Variants in MYO5B observed in about 807,000 individuals in gnomAD.
The protein encoded by MYO5B is unconventional myosin-Vb.
In MYO5B, 143 loss-of-function variants were observed where a neutral mutation model predicts 229.3. The ratio of observed to expected loss-of-function variants is 0.62; its 90% CI spans 0.54 to 0.72. The LOEUF is 0.72. Among genes scored for constraint, MYO5B ranks in the 30% least tolerant of loss-of-function variants. The pLI, the probability that MYO5B is intolerant of heterozygous loss-of-function variation, is 0.00. For missense variants in MYO5B, 2,321 were observed against 2,331.0 expected (o/e 1.00, Z 0.09); for synonymous variants, 918 against 885.2 (o/e 1.04, Z -0.66).
At chr18:50,076,130 T>A (rs528029263) in intron 1 of MYO5B, among the ~76,000 whole-genome samples, 1 of 152,186 alleles carries the variant, frequency 6.6e-6, no homozygotes, top group Non-Finnish European at 1.5e-5. Flanking sequence ...TGGCAAGATA[T>A]TTCCTTTTTC....
chr18:49,974,802 C>CACACACACACACACACACACACAA (rs1568054824), intron 9 of MYO5B, among the ~76,000 whole-genome samples, 187 bp from the exon 10 acceptor site: 2 of 148,554 alleles, frequency 1.3e-5, no homozygotes, highest in South Asian at 2.1e-4. Flanking sequence ...CACACAGACA[C>CACACACACACACACACACACACAA]ACACACACAC....
rs532670918 is a variant in MYO5B at position 50,036,556 on chromosome 18, G to A, written c.455+294C>T. 4.6e-5 allele frequency among the ~76,000 whole-genome samples: 7 copies of A among 152,298 alleles called. No individual in the cohort carries two copies. The South Asian group carries it at 6.2e-4, about 14-fold the overall frequency. ...TTATACCATAAAGGGAGGAAAAGGG[G>A]CCAAAAGGAAGTCAAAGAGAGATGA... On this transcript the variant is annotated intron_variant, in intron 4 of 39. Coordinates refer to ENST00000285039, the MANE Select transcript of MYO5B (RefSeq NM_001080467.3).
At chr18:49,910,122 C>T (rs1433505954) in intron 18 of MYO5B, among the ~76,000 whole-genome samples, 1 of 152,168 alleles carries the variant, frequency 6.6e-6, no homozygotes, top group Non-Finnish European at 1.5e-5. Flanking sequence ...GGCAGGCTCC[C>T]CGTCAGTGAA....
chr18:50,150,951 C>T (rs1345652545), intron 1 of MYO5B, among the ~76,000 whole-genome samples: 1 of 152,216 alleles, frequency 6.6e-6, no homozygotes, highest in Non-Finnish European at 1.5e-5. Flanking sequence ...TTCACACAGG[C>T]AAGGCCTCTG....
At chr18:49,877,959 T>C in intron 24 of MYO5B, 77 bp from the exon 25 acceptor site, 1 of 1,560,868 alleles carries the variant, frequency 6.4e-7, no homozygotes, top group Non-Finnish European at 8.8e-7. Flanking sequence ...TGGCAGGCCC[T>C]AGAGTTATCC....
At chr18:49,911,693 G>A (rs2024959495) in intron 18 of MYO5B, among the ~76,000 whole-genome samples, 1 of 152,218 alleles carries the variant, frequency 6.6e-6, no homozygotes, top group Non-Finnish European at 1.5e-5. Flanking sequence ...GAGCCTGTAA[G>A]TGGCTCAGAC....
At chr18:49,962,890 G>A in intron 11 of MYO5B, 59 bp downstream of exon 11, 1 of 1,404,624 alleles carries the variant, frequency 7.1e-7, no homozygotes, top group Non-Finnish European at 1.0e-6. Flanking sequence ...TGGCCTGTCT[G>A]TCCCTCCCAG....
chr18:50,005,742 A>G (rs755301461), intron 4 of MYO5B, among the ~76,000 whole-genome samples: 3 of 152,178 alleles, frequency 2.0e-5, no homozygotes, highest in Non-Finnish European at 2.9e-5. Context: ...GATGGTATCA[A>G]GGTTCAACCC....
intron 6 of MYO5B, among the ~76,000 whole-genome samples, chr18:49,991,677 G>A (rs1186169626): frequency 6.6e-6 from 1 of 152,138 alleles, no homozygotes; most frequent in African/African-American, 2.4e-5. Flanking sequence ...CCTGTCAGTG[G>A]GTGGAAGGCT....
chr18:49,963,620 G>A (rs551490849), intron 10 of MYO5B, among the ~76,000 whole-genome samples: 80 of 151,918 alleles, frequency 5.3e-4, no homozygotes, highest in Admixed American at 2.6e-3. Flanking sequence ...TAGAGACAAG[G>A]TTTTGCCATG....
Position 49,980,455 on chromosome 18 carries a change from A to C in MYO5B, c.1045T>G (p.Cys349Gly). 1.2e-6 allele frequency: 2 copies of C among 1,609,842 alleles called. No homozygotes were observed. ...AIQAERDGDSCSISPQDVYLS... is the reference protein window; with the variant it reads ...AIQAERDGDSGSISPQDVYLS... Reference sequence around the variant, plus strand: ...GGTGTGCAACTTACTGATATACTACAGGAATCACCATCACGCTCAGCCTGA... The same window carrying C: ...GGTGTGCAACTTACTGATATACTACCGGAATCACCATCACGCTCAGCCTGA... The change falls in exon 9 of 40, where the codon TGT becomes GGT. Residue 349 changes from cysteine to glycine, a missense_variant. Physicochemically the swap from Cys to Gly is radical, Grantham distance 159. Coordinates refer to ENST00000285039, the MANE Select transcript of MYO5B (RefSeq NM_001080467.3).
chr18:50,054,892 G>A (rs1053172992), intron 2 of MYO5B, among the ~76,000 whole-genome samples: 3 of 152,108 alleles, frequency 2.0e-5, no homozygotes, highest in African/African-American at 7.2e-5. Context: ...GCTGAGCCAG[G>A]ATCCCAACCC....
rs1275193101 is a variant in MYO5B, at chr18:49,925,888, T to C, written c.2090+3624A>G. ...ACTCAAAACTGAACTACTGCACCCA[T>C]TGCCTGAGCCCCATCCCCTCCATCA... is the stretch of plus-strand genomic sequence containing the variant. On this transcript the variant is annotated intron_variant, in intron 17 of 39. Transcript: ENST00000285039. Among the ~76,000 whole-genome samples the C allele has an allele frequency of 2.6e-5, 4 of 152,214 alleles. No individual in the cohort carries two copies. The East Asian group carries it at 5.8e-4, about 22-fold the overall frequency.
chr18:50,114,633 G>A (rs1001584080), intron 1 of MYO5B, among the ~76,000 whole-genome samples: 2 of 152,228 alleles, frequency 1.3e-5, no homozygotes, highest in African/African-American at 4.8e-5. Flanking sequence ...CTCCGTCAGA[G>A]CCTCGACACA....
intron 1 of MYO5B, among the ~76,000 whole-genome samples, chr18:50,159,686 TC>T (rs1208714570): frequency 6.6e-6 from 1 of 152,106 alleles, no homozygotes; most frequent in African/African-American, 2.4e-5. Context: ...CCCTTTGCCA[TC>T]CCGCACCTCC....
At chr18:50,091,516 C>T (rs116154665) in intron 1 of MYO5B, among the ~76,000 whole-genome samples, 1,626 of 152,276 alleles carry the variant, frequency 0.011, 21 homozygotes, top group African/African-American at 0.036. Flanking sequence ...TACAACCATC[C>T]TATGGGGTAG....
chr18:49,880,492 G>T, intron 22 of MYO5B, 37 bp from the exon 23 acceptor site: 2 of 1,522,700 alleles, frequency 1.3e-6, no homozygotes, highest in Non-Finnish European at 1.8e-6. Flanking sequence ...GTCTCATGAT[G>T]CTGGGAAGAG....
In MYO5B at chr18:49,915,039, C is replaced by G. The variant is rs114419815; in HGVS notation, c.2091-2866G>C. On this transcript the variant is annotated intron_variant, in intron 17 of 39. Coordinates refer to ENST00000285039, the MANE Select transcript of MYO5B (RefSeq NM_001080467.3). ...CCCCTCCTCATTGCTCCTTTGCAAA[C>G]GCTTTTCCTGGTCTGGTGGAAGATG... 2.9e-3 allele frequency among the ~76,000 whole-genome samples: 441 copies of G among 152,188 alleles called. 3 individuals carry two copies. The highest frequency in any genetic ancestry group is 0.01 in the African/African-American group (417 of 41,534).
chr18:50,097,935 C>T (rs1015693897), intron 1 of MYO5B, among the ~76,000 whole-genome samples: 5 of 152,288 alleles, frequency 3.3e-5, no homozygotes, highest in South Asian at 2.1e-4. Flanking sequence ...AAAGTCACCA[C>T]CCTGGAAACT....
Sources: allele counts gnomAD v4.1 joint callset (sites outside exome capture counted in the v4.1 genomes callset), GRCh38; gene constraint gnomAD v4.1.1; transcripts MANE v1.5; gene names NCBI Gene and HGNC (gene_info 2026-07-23, HGNC 2026-07-21).